HECW1: variants seen among roughly 807,000 people sequenced by gnomAD.
The protein encoded by HECW1 is E3 ubiquitin-protein ligase HECW1.
In HECW1, 61 loss-of-function variants were observed where a neutral mutation model predicts 182.3. That is an observed-to-expected ratio of 0.33 (90% CI 0.27 to 0.41). The LOEUF is 0.41. Among genes scored for constraint, HECW1 ranks in the 10% least tolerant of loss-of-function variants. The pLI, the probability that HECW1 is intolerant of heterozygous loss-of-function variation, is 1.00. For missense variants in HECW1, 1,739 were observed against 2,108.9 expected (o/e 0.82, Z 3.44); for synonymous variants, 859 against 832.6 (o/e 1.03, Z -0.55).
At chr7:43,258,285 GT>G (rs148186086) in intron 3 of HECW1, among the ~76,000 whole-genome samples, 31,780 of 151,840 alleles carry the variant, frequency 0.21, 3,681 homozygotes, top group Middle Eastern at 0.38. Flanking sequence ...GGAGGTTGCA[GT>G]GAGCCGAGAT....
intron 2 of HECW1, among the ~76,000 whole-genome samples, chr7:43,203,242 G>A (rs1418986764): frequency 6.6e-6 from 1 of 152,060 alleles, no homozygotes; most frequent in African/African-American, 2.4e-5. Context: ...ATCATCAGTT[G>A]TGATAGCTGC....
chr7:43,252,953 A>C (rs371228210), intron 3 of HECW1, among the ~76,000 whole-genome samples: 2 of 152,328 alleles, frequency 1.3e-5, no homozygotes, highest in African/African-American at 4.8e-5. Context: ...TCCAGTGGCC[A>C]ACCTTGGTTA....
chr7:43,335,783 T>C (rs76660856), intron 5 of HECW1, among the ~76,000 whole-genome samples: 1 of 144,436 alleles, frequency 6.9e-6, no homozygotes, highest in Non-Finnish European at 1.5e-5. Context: ...TTTCTTCCTT[T>C]CTTCCTTCCT....
At chr7:43,462,903 T>G (rs2077637409) in intron 13 of HECW1, among the ~76,000 whole-genome samples, 1 of 152,246 alleles carries the variant, frequency 6.6e-6, no homozygotes, top group Non-Finnish European at 1.5e-5. Context: ...CACATACCTC[T>G]TGCCTGTCTG....
intron 27 of HECW1, 146 bp from the exon 28 acceptor site, chr7:43,552,076 A>G: frequency 1.6e-6 from 1 of 632,528 alleles, no homozygotes; most frequent in Non-Finnish European, 2.9e-6. Flanking sequence ...TCATAGCAAT[A>G]ATTTTCAAGT....
chr7:43,362,032 T>C (rs944966256), intron 6 of HECW1, among the ~76,000 whole-genome samples: 13 of 148,082 alleles, frequency 8.8e-5, no homozygotes, highest in African/African-American at 3.0e-4. Flanking sequence ...TCCCAGCTAC[T>C]TGGGAAGCTA....
At chr7:43,232,223 A>G (rs975453502) in intron 2 of HECW1, among the ~76,000 whole-genome samples, 1 of 152,176 alleles carries the variant, frequency 6.6e-6, no homozygotes, top group Non-Finnish European at 1.5e-5. Context: ...ACATCCTTAA[A>G]TGCAACCTTA....
intron 24 of HECW1, among the ~76,000 whole-genome samples, chr7:43,530,116 A>AT (rs35892407): frequency 0.29 from 35,399 of 121,192 alleles, 5,543 homozygotes; most frequent in Middle Eastern, 0.38. Context: ...TGCTTGGCTA[A>AT]TTTTTTTTTT....
At chr7:43,317,902 T>C (rs760942583) in intron 4 of HECW1, among the ~76,000 whole-genome samples, 114 of 151,704 alleles carry the variant, frequency 7.5e-4, no homozygotes, top group Non-Finnish European at 1.4e-3. Context: ...CCCTTCATCC[T>C]TTTCTCATTC....
intron 3 of HECW1, among the ~76,000 whole-genome samples, chr7:43,286,345 G>A (rs1310530152): frequency 6.6e-6 from 1 of 152,160 alleles, no homozygotes; most frequent in Non-Finnish European, 1.5e-5. Context: ...TGATGGGGGT[G>A]CCCTATGACA....
At chr7:43,399,783 C>T (rs2075345809) in intron 7 of HECW1, among the ~76,000 whole-genome samples, 1 of 152,174 alleles carries the variant, frequency 6.6e-6, no homozygotes, top group African/African-American at 2.4e-5. Flanking sequence ...CAACCATTCC[C>T]AGCAAAGGAA....
At chr7:43,235,661 G>C (rs1798262233) in intron 2 of HECW1, among the ~76,000 whole-genome samples, 1 of 152,192 alleles carries the variant, frequency 6.6e-6, no homozygotes, top group Non-Finnish European at 1.5e-5. Context: ...ATAGTCATTT[G>C]TTAGTTTAAT....
chr7:43,405,867 C>T (rs762545073), intron 7 of HECW1, among the ~76,000 whole-genome samples: 2 of 152,144 alleles, frequency 1.3e-5, no homozygotes, highest in African/African-American at 2.4e-5. Flanking sequence ...GCAGATGTGG[C>T]CTGGGTTTTG....
chr7:43,431,879 GC>G (rs1562967832), intron 8 of HECW1, among the ~76,000 whole-genome samples: 8 of 146,944 alleles, frequency 5.4e-5, no homozygotes, highest in South Asian at 2.1e-4. Context: ...ACCGACACTT[GC>G]TTTTTTTTTT....
intron 19 of HECW1, among the ~76,000 whole-genome samples, chr7:43,494,526 C>CA (rs2079046130): frequency 6.8e-6 from 1 of 147,308 alleles, no homozygotes; most frequent in South Asian, 2.1e-4. Flanking sequence ...TTTTTTGAGA[C>CA]AGAGTCTTGC....
intron 24 of HECW1, among the ~76,000 whole-genome samples, chr7:43,540,628 A>G (rs779589024): frequency 2.6e-5 from 4 of 152,174 alleles, no homozygotes; most frequent in Non-Finnish European, 5.9e-5. Context: ...ATGTTCATTC[A>G]GCTTATCTCT....
Position 43,479,595 on chromosome 7 carries a change from C to T in HECW1, c.3100-15C>T. The T allele has an allele frequency of 1.2e-6, 2 of 1,613,930 alleles. No individual in the cohort carries two copies. Among genetic ancestry groups the T allele is most frequent in the Non-Finnish European group, 8.5e-7 (1 of 1,179,896 alleles). ...TCACACCACACGGTGCTTTTTTTCACTGGTCTGTTCGCAGTCTTTTTTCGT... is the reference window on the plus strand; with the variant it reads ...TCACACCACACGGTGCTTTTTTTCATTGGTCTGTTCGCAGTCTTTTTTCGT... On this transcript the variant is annotated splice_polypyrimidine_tract_variant and intron_variant, in intron 16 of 29. Transcript: ENST00000395891.
chr7:43,237,098 G>A (rs1419442704), intron 2 of HECW1, among the ~76,000 whole-genome samples: 1 of 151,628 alleles, frequency 6.6e-6, no homozygotes, highest in South Asian at 2.1e-4. Context: ...AGCAGGGATG[G>A]GAGGGAGGGA....
chr7:43,257,612 G>T (rs1325323399), intron 3 of HECW1, among the ~76,000 whole-genome samples: 1 of 152,076 alleles, frequency 6.6e-6, no homozygotes, highest in Non-Finnish European at 1.5e-5. Context: ...CTTGATGGGG[G>T]ATTTATTTTA....
Sources: allele counts gnomAD v4.1 joint callset (sites outside exome capture counted in the v4.1 genomes callset), GRCh38; gene constraint gnomAD v4.1.1; transcripts MANE v1.5; gene names NCBI Gene and HGNC (gene_info 2026-07-23, HGNC 2026-07-21).